ARHGEF26: variants seen among roughly 807,000 people sequenced by gnomAD.
The protein encoded by ARHGEF26 is Rho guanine nucleotide exchange factor (GEF) 26.
Under a neutral mutation model 89.4 loss-of-function variants are expected in ARHGEF26, and 59 were observed. The ratio of observed to expected loss-of-function variants is 0.66; its 90% CI spans 0.54 to 0.82. ARHGEF26 has a LOEUF of 0.82. Among genes scored for constraint, ARHGEF26 ranks in the 40% least tolerant of loss-of-function variants. The pLI is 0.00. For missense variants in ARHGEF26, 1,234 were observed against 1,085.6 expected, an observed-to-expected ratio of 1.14 and a Z score of -1.92; for synonymous variants, 500 against 428.4, an observed-to-expected ratio of 1.17 and a Z score of -2.06.
chr3:154,160,256 T>C (rs1576718495), intron 6 of ARHGEF26, among the ~76,000 whole-genome samples: 2 of 152,288 alleles, frequency 1.3e-5, no homozygotes, highest in East Asian at 1.9e-4. Context: ...TCAGCTCTTA[T>C]CAACAACCAG....
intron 6 of ARHGEF26, among the ~76,000 whole-genome samples, chr3:154,154,828 A>G (rs1378171087): frequency 6.6e-6 from 1 of 152,036 alleles, no homozygotes; most frequent in East Asian, 1.9e-4. Context: ...CCAGCCGCCT[A>G]TCTGTATGAG....
intron 9 of ARHGEF26, among the ~76,000 whole-genome samples, chr3:154,205,880 T>G (rs1461503129): frequency 6.6e-6 from 1 of 152,190 alleles, no homozygotes; most frequent in Admixed American, 6.5e-5. Flanking sequence ...TTTTGATTGG[T>G]TAATCATTTA....
chr3:154,168,695 G>A (rs149055392), intron 6 of ARHGEF26, among the ~76,000 whole-genome samples: 61 of 152,308 alleles, frequency 4.0e-4, no homozygotes, highest in African/African-American at 1.4e-3. Flanking sequence ...TTCTGTTGAT[G>A]TATTATATTA....
rs756798512 is a variant in ARHGEF26 at position 154,122,527 on chromosome 3, G to T, written c.535G>T (p.Ala179Ser). ...GCCTTCGCCCACTGCAAATGGCCTT[G>T]CCGCTAATAACGACTCTCCTGGGTC... ...PVPSPTANGL[A>S]ANNDSPGSGS... The change falls in exon 2 of 15, where the codon GCC becomes TCC. Residue 179 changes from alanine (A) to serine (S), a missense_variant. Physicochemically the swap from Ala to Ser is moderately conservative, Grantham distance 99. Transcript: ENST00000465093. 2 of 1,613,494 alleles carry T rather than the reference G, an allele frequency of 1.2e-6. No homozygotes were observed. The highest frequency in any genetic ancestry group is 1.7e-6 in the Non-Finnish European group (2 of 1,179,902).
At position 154,257,165 on chromosome 3, in the gene ARHGEF26, G is replaced by C; in HGVS notation, c.*1692G>C. On this transcript the variant is annotated 3_prime_UTR_variant, in exon 15 of 15. Transcript: ENST00000465093. ...ACCCTGTCACCTCGGCAATGAGCCAGTGTGGGGCACTGGGGACTTCTAACC... is the reference window on the plus strand; with the variant it reads ...ACCCTGTCACCTCGGCAATGAGCCACTGTGGGGCACTGGGGACTTCTAACC... 1 of 580,552 alleles carries C rather than the reference G, an allele frequency of 1.7e-6. No individual in the cohort carries two copies. Among genetic ancestry groups the C allele is most frequent in the Non-Finnish European group, 2.8e-6 (1 of 355,120 alleles). The allele number at this position is 580,552 out of a possible 1,614,324, so 36.0% of individuals were successfully genotyped here. A position where few individuals can be genotyped will look rare whatever the true frequency, so the allele number is the denominator to read the frequency against.
intron 10 of ARHGEF26, among the ~76,000 whole-genome samples, chr3:154,219,319 G>T (rs1397619226): frequency 6.6e-6 from 1 of 152,104 alleles, no homozygotes; most frequent in Non-Finnish European, 1.5e-5. Flanking sequence ...TCTAGGCCGG[G>T]CGAGGTGGCT....
intron 11 of ARHGEF26, among the ~76,000 whole-genome samples, chr3:154,231,050 C>T (rs757609650): frequency 1.3e-5 from 2 of 152,052 alleles, no homozygotes; most frequent in Non-Finnish European, 2.9e-5. Flanking sequence ...AGAATAAACT[C>T]GTTCCTAGGG....
chr3:154,158,191 G>A (rs76687401), intron 6 of ARHGEF26, among the ~76,000 whole-genome samples: 10 of 152,150 alleles, frequency 6.6e-5, no homozygotes, highest in African/African-American at 2.4e-4. Flanking sequence ...AAAAGAAGAC[G>A]AATGTCAGAA....
chr3:154,131,369 A>G (rs889646753), intron 4 of ARHGEF26, among the ~76,000 whole-genome samples: 1 of 152,244 alleles, frequency 6.6e-6, no homozygotes, highest in Non-Finnish European at 1.5e-5. Context: ...CCAAGAAAGT[A>G]TTCAGATTTG....
At chr3:154,152,294 A>G (rs529060004) in intron 5 of ARHGEF26, among the ~76,000 whole-genome samples, 1 of 152,350 alleles carries the variant, frequency 6.6e-6, no homozygotes, top group East Asian at 1.9e-4. Flanking sequence ...AGGGAGAGGA[A>G]GAGTGTGACA....
intron 6 of ARHGEF26, among the ~76,000 whole-genome samples, chr3:154,171,885 C>T (rs1223708630): frequency 9.2e-5 from 14 of 152,044 alleles, no homozygotes; most frequent in Admixed American, 7.2e-4. Context: ...GGAGGACTGG[C>T]CAAGAATGCT....
At chr3:154,143,160 A>T (rs1020957372) in intron 4 of ARHGEF26, among the ~76,000 whole-genome samples, 2 of 152,216 alleles carry the variant, frequency 1.3e-5, no homozygotes, top group Non-Finnish European at 2.9e-5. Context: ...AGACATGTTT[A>T]TTACAGAAAA....
chr3:154,140,202 C>T (rs1332577585), intron 4 of ARHGEF26, among the ~76,000 whole-genome samples: 2 of 152,170 alleles, frequency 1.3e-5, no homozygotes, highest in Non-Finnish European at 1.5e-5. Flanking sequence ...AATTACTGAC[C>T]ACATATTTGC....
chr3:154,189,999 G>A (rs1713846781), intron 7 of ARHGEF26, among the ~76,000 whole-genome samples: 1 of 152,092 alleles, frequency 6.6e-6, no homozygotes, highest in South Asian at 2.1e-4. Flanking sequence ...CCTTGAACAA[G>A]ATTATTTAAT....
chr3:154,143,874 A>G (rs1379223116), intron 4 of ARHGEF26, among the ~76,000 whole-genome samples: 1 of 152,076 alleles, frequency 6.6e-6, no homozygotes, highest in Non-Finnish European at 1.5e-5. Context: ...TCTCTTCTTA[A>G]TTTAGCTGAT....
At chr3:154,191,476 T>A in intron 8 of ARHGEF26, 58 bp downstream of exon 8, 1 of 1,546,682 alleles carries the variant, frequency 6.5e-7, no homozygotes, top group Non-Finnish European at 8.7e-7. Flanking sequence ...TAAATCTGAT[T>A]TAGAAAATTA....
chr3:154,253,427 A>G (rs1039327150), intron 13 of ARHGEF26, among the ~76,000 whole-genome samples: 3 of 152,206 alleles, frequency 2.0e-5, no homozygotes, highest in African/African-American at 7.2e-5. Flanking sequence ...TGCAGAGCCT[A>G]TTTAACCATC....
intron 9 of ARHGEF26, among the ~76,000 whole-genome samples, chr3:154,200,125 A>G (rs1714536940): frequency 6.6e-6 from 1 of 151,968 alleles, no homozygotes; most frequent in Non-Finnish European, 1.5e-5. Flanking sequence ...TTTTCAAGGA[A>G]TTTTTGCCCA....
chr3:154,192,029 T>TAGTA (rs1160981935), intron 8 of ARHGEF26, among the ~76,000 whole-genome samples: 4 of 152,042 alleles, frequency 2.6e-5, no homozygotes, highest in African/African-American at 9.7e-5. Context: ...GTCTGCCTAG[T>TAGTA]AGTACGTGCA....
Sources: gnomAD v4.1 joint callset for allele counts (sites outside exome capture counted in the v4.1 genomes callset) on GRCh38, gnomAD v4.1.1 for gene constraint, MANE v1.5 for transcripts, NCBI Gene and HGNC (gene_info 2026-07-23, HGNC 2026-07-21) for gene names.